Variants in ANKS1B observed in about 807,000 individuals in gnomAD.
ANKS1B encodes ankyrin repeat and sterile alpha motif domain containing 1B, also known as ankyrin repeat and sterile alpha motif domain-containing protein 1B.
Under a neutral mutation model 148.3 loss-of-function variants are expected in ANKS1B, and 36 were observed. The ratio of observed to expected loss-of-function variants is 0.24; its 90% CI spans 0.19 to 0.32. The LOEUF (loss-of-function observed/expected upper bound fraction) is 0.32, where lower values mean the gene tolerates loss of function less well. Among genes scored for constraint, ANKS1B ranks in the 10% least tolerant of loss-of-function variants. The probability of loss-of-function intolerance (pLI) is 1.00; values close to 1 mark genes in which losing one functional copy is unlikely to be tolerated. For missense variants in ANKS1B, 1,157 were observed against 1,542.6 expected, an observed-to-expected ratio of 0.75 and a Z score of 4.19; for synonymous variants, 542 against 560.8, an observed-to-expected ratio of 0.97 and a Z score of 0.47.
At chr12:99,790,746 T>C (rs1345107787) in intron 4 of ANKS1B, among the ~76,000 whole-genome samples, 3 of 150,916 alleles carry the variant, frequency 2.0e-5, no homozygotes, top group Admixed American at 1.3e-4. Context: ...TAGCTTCAAA[T>C]AAAAAAACAT....
At chr12:98,750,990 G>C (rs2098075316) in intron 26 of ANKS1B, among the ~76,000 whole-genome samples, 2 of 152,212 alleles carry the variant, frequency 1.3e-5, no homozygotes, top group Non-Finnish European at 2.9e-5. Context: ...GGGCTTGTAG[G>C]AGGCTTTGCC....
At chr12:99,362,563 G>A (rs1279306099) in intron 12 of ANKS1B, among the ~76,000 whole-genome samples, 1 of 152,022 alleles carries the variant, frequency 6.6e-6, no homozygotes, top group Non-Finnish European at 1.5e-5. Context: ...TTAAATGTCT[G>A]TCATATCCAA....
At chr12:99,786,953 G>A (rs1372420312) in intron 4 of ANKS1B, among the ~76,000 whole-genome samples, 1 of 152,088 alleles carries the variant, frequency 6.6e-6, no homozygotes, top group Admixed American at 6.6e-5. Flanking sequence ...TAATACATAT[G>A]TGATAAATAA....
chr12:99,368,037 A>T (rs2092878307), intron 12 of ANKS1B, among the ~76,000 whole-genome samples: 1 of 152,146 alleles, frequency 6.6e-6, no homozygotes, highest in Non-Finnish European at 1.5e-5. Flanking sequence ...TAGTAATACG[A>T]CTCGGAGAGA....
intron 17 of ANKS1B, among the ~76,000 whole-genome samples, chr12:99,027,837 G>T (rs1485565363): frequency 6.6e-6 from 1 of 152,180 alleles, no homozygotes; most frequent in Non-Finnish European, 1.5e-5. Flanking sequence ...TGTATTGTTA[G>T]AAAAGAACAT....
chr12:99,922,429 AC>A (rs1243833603), intron 1 of ANKS1B, among the ~76,000 whole-genome samples: 2 of 152,172 alleles, frequency 1.3e-5, no homozygotes, highest in South Asian at 2.1e-4. Context: ...AGGAAAAAAA[AC>A]ATTTCAGGAA....
chr12:99,188,508 G>A (rs556640910), intron 14 of ANKS1B, among the ~76,000 whole-genome samples: 9 of 152,264 alleles, frequency 5.9e-5, no homozygotes, highest in East Asian at 1.9e-4. Context: ...TCAGACCACA[G>A]TGCAATCAAA....
chr12:99,813,011 A>G (rs2068626837), intron 2 of ANKS1B, among the ~76,000 whole-genome samples: 1 of 151,804 alleles, frequency 6.6e-6, no homozygotes, highest in African/African-American at 2.4e-5. Flanking sequence ...CACACAACAC[A>G]CTTTGAGTAT....
chr12:99,839,988 C>T (rs1012980320), intron 1 of ANKS1B, among the ~76,000 whole-genome samples: 4 of 152,104 alleles, frequency 2.6e-5, no homozygotes, highest in African/African-American at 7.2e-5. Context: ...CCACTATATA[C>T]AGGCACTGTT....
intron 1 of ANKS1B, among the ~76,000 whole-genome samples, chr12:99,931,301 C>T (rs1007220659): frequency 3.3e-5 from 5 of 151,856 alleles, no homozygotes; most frequent in African/African-American, 4.8e-5. Context: ...TGTAACAAAC[C>T]TGCACGTTGT....
intron 15 of ANKS1B, among the ~76,000 whole-genome samples, chr12:99,152,972 T>C (rs1337662054): frequency 6.6e-6 from 1 of 152,102 alleles, no homozygotes; most frequent in Admixed American, 6.6e-5. Flanking sequence ...ATCTTGTCTA[T>C]ATAACCAGTG....
chr12:99,037,234 T>C (rs56688393), intron 17 of ANKS1B, among the ~76,000 whole-genome samples: 5,880 of 152,226 alleles, frequency 0.039, 393 homozygotes, highest in African/African-American at 0.13. Flanking sequence ...TATGGCAACA[T>C]GGCCAGGCGC....
chr12:99,731,936 G>A (rs958405966), intron 8 of ANKS1B, among the ~76,000 whole-genome samples: 1 of 152,042 alleles, frequency 6.6e-6, no homozygotes, highest in Non-Finnish European at 1.5e-5. Flanking sequence ...TTGTTTTTGA[G>A]ATATATAAAG....
chr12:98,979,893 T>C (rs758969124), intron 17 of ANKS1B, among the ~76,000 whole-genome samples: 1 of 152,162 alleles, frequency 6.6e-6, no homozygotes, highest in Non-Finnish European at 1.5e-5. Flanking sequence ...CCCCCAAATA[T>C]ACATGTTAGA....
intron 9 of ANKS1B, among the ~76,000 whole-genome samples, chr12:99,570,159 C>T (rs930843895): frequency 2.0e-5 from 3 of 152,156 alleles, no homozygotes; most frequent in Admixed American, 1.3e-4. Context: ...TGTGAACCCT[C>T]TGCCCCAGCT....
At chr12:99,606,347 CACAA>C (rs1290072693) in intron 9 of ANKS1B, among the ~76,000 whole-genome samples, 1 of 151,938 alleles carries the variant, frequency 6.6e-6, no homozygotes, top group Admixed American at 6.6e-5. Flanking sequence ...TTTACTTCCT[CACAA>C]AGAGTTGTTT....
chr12:99,658,807 A>G (rs572452897), intron 8 of ANKS1B, among the ~76,000 whole-genome samples: 2 of 152,180 alleles, frequency 1.3e-5, no homozygotes, highest in African/African-American at 4.8e-5. Flanking sequence ...TTACCATAAA[A>G]GAGTTGTGTA....
chr12:99,371,057 G>C (rs2093104174), intron 12 of ANKS1B, among the ~76,000 whole-genome samples: 1 of 151,664 alleles, frequency 6.6e-6, no homozygotes, highest in South Asian at 2.1e-4. Context: ...CTCAAATCAT[G>C]GGACAGTTTC....
intron 1 of ANKS1B, among the ~76,000 whole-genome samples, chr12:99,940,594 C>T (rs1417030087): frequency 6.6e-6 from 1 of 152,032 alleles, no homozygotes. Flanking sequence ...AAAAATGATA[C>T]TTAAAATAAA....
Sources: allele counts gnomAD v4.1 joint callset (sites outside exome capture counted in the v4.1 genomes callset), GRCh38; gene constraint gnomAD v4.1.1; transcripts MANE v1.5; gene names NCBI Gene and HGNC (gene_info 2026-07-23, HGNC 2026-07-21).